Variants in SDK1 observed in about 807,000 individuals in gnomAD.
SDK1 encodes sidekick cell adhesion molecule 1.
SDK1 carries 157 observed loss-of-function variants against 245.5 expected under a neutral mutation model. That is an observed-to-expected ratio of 0.64 (90% CI 0.56 to 0.73). SDK1 has a LOEUF of 0.73. Among genes scored for constraint, SDK1 ranks in the 30% least tolerant of loss-of-function variants. The pLI is 0.00. For synonymous variants in SDK1, 1,647 were observed against 1,278.5 expected (o/e 1.29, Z -6.15); for missense variants, 3,583 against 3,002.3 (o/e 1.19, Z -4.52).
intron 35 of SDK1, among the ~76,000 whole-genome samples, chr7:4,196,340 T>A (rs1246241809): frequency 6.6e-6 from 1 of 152,212 alleles, no homozygotes; most frequent in Non-Finnish European, 1.5e-5. Flanking sequence ...CCCCACACCC[T>A]GTGCACTCCC....
In SDK1 at chr7:4,266,304, T is replaced by C; in HGVS notation, c.*920T>C. 3 of 985,444 alleles carry C rather than the reference T, an allele frequency of 3.0e-6. No individual in the cohort carries two copies. In the African/African-American group the frequency reaches 5.2e-5, roughly 17 times the overall value. 61.0% of individuals were successfully genotyped at this position (985,444 alleles called of 1,614,324 possible). A position where few individuals can be genotyped will look rare whatever the true frequency, so the allele number is the denominator to read the frequency against. On this transcript the variant is annotated 3_prime_UTR_variant, in exon 45 of 45. Transcript: ENST00000404826. ...AACTATGTCACATGAAATGAATGCG[T>C]CTTTGCTGTCTCCAGGTGCCTTTTT... is the stretch of plus-strand genomic sequence containing the variant.
intron 1 of SDK1, among the ~76,000 whole-genome samples, chr7:3,450,202 T>C (rs988949517): frequency 2.6e-5 from 4 of 152,230 alleles, no homozygotes; most frequent in African/African-American, 7.2e-5. Context: ...TTTATCGATA[T>C]GTGAGAGATG....
intron 14 of SDK1, among the ~76,000 whole-genome samples, chr7:4,004,955 A>G (rs916866856): frequency 6.6e-6 from 1 of 150,662 alleles, no homozygotes; most frequent in Non-Finnish European, 1.5e-5. Context: ...CTGCTTGGGC[A>G]GAGTCCATGA....
intron 4 of SDK1, among the ~76,000 whole-genome samples, chr7:3,756,623 C>G (rs1207562163): frequency 6.6e-6 from 1 of 151,954 alleles, no homozygotes; most frequent in Non-Finnish European, 1.5e-5. Context: ...ATGCCCTTTT[C>G]CTGCCCCAGG....
intron 1 of SDK1, among the ~76,000 whole-genome samples, chr7:3,480,265 A>C (rs1781474214): frequency 6.6e-6 from 1 of 152,152 alleles, no homozygotes; most frequent in Non-Finnish European, 1.5e-5. Context: ...GGGGGCGTGA[A>C]AGCTAGCGGT....
At chr7:3,780,112 C>T (rs1780687378) in intron 4 of SDK1, among the ~76,000 whole-genome samples, 1 of 152,130 alleles carries the variant, frequency 6.6e-6, no homozygotes, top group South Asian at 2.1e-4. Context: ...GCCTGAGATA[C>T]CTGTGTGATC....
At chr7:4,134,099 G>A (rs1466443187) in intron 28 of SDK1, among the ~76,000 whole-genome samples, 3 of 152,166 alleles carry the variant, frequency 2.0e-5, no homozygotes, top group African/African-American at 4.8e-5. Flanking sequence ...AAGGGTGGAC[G>A]GAAAGTCAGA....
chr7:3,551,908 G>A (rs550616160), intron 1 of SDK1, among the ~76,000 whole-genome samples: 23 of 152,202 alleles, frequency 1.5e-4, no homozygotes, highest in Admixed American at 3.9e-4. Flanking sequence ...ATTAGAAATT[G>A]TGAATCACAT....
intron 30 of SDK1, among the ~76,000 whole-genome samples, chr7:4,154,222 G>C (rs529521712): frequency 6.6e-6 from 1 of 152,290 alleles, no homozygotes; most frequent in East Asian, 1.9e-4. Context: ...TCAAGTTTGT[G>C]TATGTGATTA....
chr7:3,348,476 C>T (rs73048646), intron 1 of SDK1, among the ~76,000 whole-genome samples: 15,709 of 141,156 alleles, frequency 0.11, 1,012 homozygotes, highest in African/African-American at 0.18. Flanking sequence ...ACAACATGTT[C>T]TCGTAAGGGA....
intron 1 of SDK1, among the ~76,000 whole-genome samples, chr7:3,471,537 G>A (rs1029852605): frequency 3.3e-5 from 5 of 152,070 alleles, no homozygotes; most frequent in East Asian, 3.9e-4. Flanking sequence ...AATATGAGCC[G>A]TCAGTTTCGA....
intron 1 of SDK1, among the ~76,000 whole-genome samples, chr7:3,556,851 A>G (rs1311358596): frequency 6.6e-6 from 1 of 152,122 alleles, no homozygotes; most frequent in Non-Finnish European, 1.5e-5. Context: ...TTTGTAACAC[A>G]AAGAAGGGAT....
intron 4 of SDK1, among the ~76,000 whole-genome samples, chr7:3,744,736 C>T (rs1002799643): frequency 6.6e-6 from 1 of 151,658 alleles, no homozygotes; most frequent in Non-Finnish European, 1.5e-5. Context: ...GGCGTGAACC[C>T]GGGAGGTGGA....
chr7:3,385,543 A>T (rs1781589841), intron 1 of SDK1, among the ~76,000 whole-genome samples: 1 of 151,998 alleles, frequency 6.6e-6, no homozygotes, highest in South Asian at 2.1e-4. Flanking sequence ...TTAGCCTCAG[A>T]CCCATCGCAC....
At chr7:3,347,619 C>T (rs757446483) in intron 1 of SDK1, among the ~76,000 whole-genome samples, 12 of 152,154 alleles carry the variant, frequency 7.9e-5, no homozygotes, top group Non-Finnish European at 1.3e-4. Context: ...AACAATATTT[C>T]CCTGTGGCAT....
At chr7:3,818,413 T>A (rs1471267339) in intron 4 of SDK1, among the ~76,000 whole-genome samples, 1 of 152,188 alleles carries the variant, frequency 6.6e-6, no homozygotes, top group African/African-American at 2.4e-5. Context: ...AAAAGTGATA[T>A]TTATTGTGGA....
At chr7:3,783,225 A>T (rs1007528476) in intron 4 of SDK1, among the ~76,000 whole-genome samples, 1 of 152,252 alleles carries the variant, frequency 6.6e-6, no homozygotes, top group Non-Finnish European at 1.5e-5. Context: ...TCAACACAAC[A>T]AAGGCCGTGT....
intron 44 of SDK1, among the ~76,000 whole-genome samples, chr7:4,259,086 T>C (rs539190197): frequency 2.0e-5 from 3 of 152,146 alleles, no homozygotes; most frequent in Non-Finnish European, 4.4e-5. Context: ...TCCGTTTTAG[T>C]TTACGCAGAG....
chr7:3,688,371 C>T (rs1255107956), intron 4 of SDK1, among the ~76,000 whole-genome samples: 1 of 152,172 alleles, frequency 6.6e-6, no homozygotes, highest in Non-Finnish European at 1.5e-5. Context: ...CGCCCTTTGG[C>T]AAGTTAGTTA....
Sources: gnomAD v4.1 joint callset for allele counts (sites outside exome capture counted in the v4.1 genomes callset) on GRCh38, gnomAD v4.1.1 for gene constraint, MANE v1.5 for transcripts, NCBI Gene and HGNC (gene_info 2026-07-23, HGNC 2026-07-21) for gene names.